The following HSP90AA1 variants were observed in gnomAD, a reference collection of about 807,000 sequenced individuals.
The protein encoded by HSP90AA1 is heat shock protein HSP 90-alpha.
HSP90AA1 carries 18 observed loss-of-function variants against 73.3 expected under a neutral mutation model. That is an observed-to-expected ratio of 0.25 (90% confidence interval 0.17 to 0.36). HSP90AA1 has a LOEUF of 0.36. Ranked by LOEUF, HSP90AA1 falls within the 10% of genes least tolerant of loss-of-function variation. The pLI, the probability that HSP90AA1 is intolerant of heterozygous loss-of-function variation, is 1.00. For missense variants in HSP90AA1, 704 were observed against 874.2 expected, an observed-to-expected ratio of 0.81 and a Z score of 2.45; for synonymous variants, 477 against 296.9, an observed-to-expected ratio of 1.61 and a Z score of -6.24.
At position 102,080,913 on chromosome 14, in the gene HSP90AA1, C is replaced by G. The variant is rs1327906907; in HGVS notation, c.*799G>C. ...CCACCCCACACCTGCTGAGTACATG[C>G]TGGGAAGACCATGTCAACCCTTGGA... is the stretch of plus-strand genomic sequence containing the variant. On this transcript the variant is annotated 3_prime_UTR_variant, in exon 11 of 11. Transcript: ENST00000216281. 2.6e-5 allele frequency: 6 copies of G among 228,468 alleles called. No homozygotes were observed. Among genetic ancestry groups the G allele is most frequent in the Non-Finnish European group, 5.2e-5 (6 of 115,176 alleles). 14.2% of individuals were successfully genotyped at this position (228,468 alleles called of 1,614,324 possible). A position where few individuals can be genotyped will look rare whatever the true frequency, so the allele number is the denominator to read the frequency against.
chr14:102,104,142 C>T (rs1324670155), intron 1 of HSP90AA1, among the ~76,000 whole-genome samples: 2 of 151,980 alleles, frequency 1.3e-5, no homozygotes, highest in Non-Finnish European at 2.9e-5. Flanking sequence ...TGATACTGAT[C>T]ATGAATGGAG....
intron 1 of HSP90AA1, among the ~76,000 whole-genome samples, chr14:102,118,456 G>C (rs1595676063): frequency 6.6e-6 from 1 of 151,198 alleles, no homozygotes; most frequent in East Asian, 1.9e-4. Context: ...GCCCAGTCTG[G>C]TCTTGGACTC....
intron 1 of HSP90AA1, among the ~76,000 whole-genome samples, chr14:102,135,105 T>C (rs567561948): frequency 2.6e-5 from 4 of 152,046 alleles, no homozygotes; most frequent in Non-Finnish European, 4.4e-5. Context: ...AGGGTGCTGA[T>C]TGGTGTGTTT....
At chr14:102,089,255 CTTCA>C (rs2049320291), upstream of HSP90AA1, among the ~76,000 whole-genome samples, 1 of 152,126 alleles carries the variant, frequency 6.6e-6, no homozygotes, top group Non-Finnish European at 1.5e-5. Flanking sequence ...TTTTGGGGAC[CTTCA>C]TTTACCCCCA....
At chr14:102,120,714 G>A (rs112779974) in intron 1 of HSP90AA1, among the ~76,000 whole-genome samples, 21 of 151,848 alleles carry the variant, frequency 1.4e-4, no homozygotes, top group East Asian at 5.8e-4. Context: ...AGGCTGAGGC[G>A]GGCCGATTAC....
chr14:102,084,326 G>A, intron 6 of HSP90AA1, 73 bp downstream of exon 6: 1 of 1,416,728 alleles, frequency 7.1e-7, no homozygotes, highest in Non-Finnish European at 1.0e-6. Flanking sequence ...GATTATAGGT[G>A]TGAGCCACCA....
intron 1 of HSP90AA1, among the ~76,000 whole-genome samples, chr14:102,136,636 C>A (rs188911524): frequency 0.011 from 1,652 of 150,358 alleles, 31 homozygotes; most frequent in African/African-American, 0.038. Flanking sequence ...GCCTATAATC[C>A]CAGCACTTCC....
At chr14:102,139,071 T>C (rs899188674) in intron 1 of HSP90AA1, among the ~76,000 whole-genome samples, 6 of 152,106 alleles carry the variant, frequency 3.9e-5, no homozygotes, top group African/African-American at 1.4e-4. Context: ...CCCCGCCCCG[T>C]GTTTCTGAAC....
chr14:102,082,559 A>C (rs766540214), intron 9 of HSP90AA1, 115 bp from the exon 10 acceptor site: 8 of 772,202 alleles, frequency 1.0e-5, no homozygotes, highest in Admixed American at 2.2e-5. Flanking sequence ...ATCTACTGTC[A>C]AATACAACTT....
rs543065599 is a variant in HSP90AA1, at chr14:102,139,312, G to T, written c.93C>A (p.Arg31=). 11 of 1,613,864 alleles carry T rather than the reference G, an allele frequency of 6.8e-6. No homozygotes were observed. In the Admixed American group the frequency reaches 1.3e-4, roughly 20 times the overall value. Reference sequence around the variant, plus strand: ...TTCCTGGGCGGGGATCCAGACGGTCGCGCGGGTATTCAGCACTCTGGGCGG... The same window carrying T: ...TTCCTGGGCGGGGATCCAGACGGTCTCGCGGGTATTCAGCACTCTGGGCGG... Residue 31 remains arginine, a synonymous_variant, in exon 1 of 12, where the codon CGC becomes CGA. Transcript: ENST00000334701.
intron 1 of HSP90AA1, among the ~76,000 whole-genome samples, chr14:102,132,930 A>C (rs1294183894): frequency 6.6e-6 from 1 of 150,458 alleles, no homozygotes; most frequent in Admixed American, 6.7e-5. Flanking sequence ...ACTGCACTCC[A>C]GCCTGGGCCA....
intron 1 of HSP90AA1, among the ~76,000 whole-genome samples, chr14:102,122,799 C>T (rs913532463): frequency 5.9e-5 from 9 of 151,806 alleles, no homozygotes; most frequent in African/African-American, 1.9e-4. Context: ...TCCCGAGTAG[C>T]TGGGATTACA....
intron 1 of HSP90AA1, among the ~76,000 whole-genome samples, chr14:102,127,009 T>C (rs2049847549): frequency 6.6e-6 from 1 of 151,546 alleles, no homozygotes; most frequent in Non-Finnish European, 1.5e-5. Context: ...CCAATAATGC[T>C]GATGAGGCTC....
intron 10 of HSP90AA1, 79 bp from the exon 11 acceptor site, chr14:102,081,900 G>A (rs1286655786): frequency 2.4e-6 from 2 of 823,986 alleles, no homozygotes; most frequent in African/African-American, 1.7e-5. Context: ...GTTTCTATCT[G>A]CTTTCAAGAC....
chr14:102,139,656 G>A (rs1217776399), exon 1 of HSP90AA1: 2 of 647,924 alleles, frequency 3.1e-6, no homozygotes, highest in South Asian at 2.0e-5. Flanking sequence ...CATCACCTGG[G>A]AAGCAGCCAT....
rs1566745305 is a variant in HSP90AA1, at chr14:102,139,312, GC to G, written c.92del (p.Arg31ProfsTer20). ...TTCCTGGGCGGGGATCCAGACGGTCGCGCGGGTATTCAGCACTCTGGGCGGG... is the reference window on the plus strand; with the variant it reads ...TTCCTGGGCGGGGATCCAGACGGTCGGCGGGTATTCAGCACTCTGGGCGGG... On this transcript the variant is annotated frameshift_variant, in exon 1 of 12. Coordinates refer to the HSP90AA1 transcript ENST00000334701. LOFTEE classifies it high-confidence loss of function. 2 of 1,613,864 alleles carry G rather than the reference GC, an allele frequency of 1.2e-6. No homozygotes were observed. Among genetic ancestry groups the G allele is most frequent in the Admixed American group, 3.3e-5 (2 of 60,014 alleles).
chr14:102,118,521 G>GT (rs967611064), intron 1 of HSP90AA1, among the ~76,000 whole-genome samples: 2 of 151,802 alleles, frequency 1.3e-5, no homozygotes, highest in African/African-American at 2.4e-5. Flanking sequence ...GATTATAGGT[G>GT]TGAGCCACCA....
intron 1 of HSP90AA1, among the ~76,000 whole-genome samples, chr14:102,086,588 G>A (rs1446013014): frequency 6.6e-6 from 1 of 151,882 alleles, no homozygotes; most frequent in Non-Finnish European, 1.5e-5. Flanking sequence ...GGAGGCCGCC[G>A]CAGGCCCGGG....
intron 3 of HSP90AA1, 21 bp from the exon 4 acceptor site, chr14:102,085,452 A>C (rs753163519): frequency 1.4e-6 from 2 of 1,463,038 alleles, no homozygotes; most frequent in African/African-American, 4.5e-5. Flanking sequence ...AGAAAGAAAA[A>C]TTGACTTAAT....
Sources: allele counts gnomAD v4.1 joint callset (sites outside exome capture counted in the v4.1 genomes callset), GRCh38; gene constraint gnomAD v4.1.1; transcripts MANE v1.5; gene names NCBI Gene and HGNC (gene_info 2026-07-23, HGNC 2026-07-21).